Variants in FDFT1 observed in about 807,000 individuals in gnomAD.
FDFT1 encodes squalene synthase.
Under a neutral mutation model 46.8 loss-of-function variants are expected in FDFT1, and 68 were observed. The observed-to-expected ratio is 1.45, with a 90% CI of 1.19 to 1.78. FDFT1 has a LOEUF of 1.78. FDFT1 is among the 40% of genes most tolerant of loss of function. The probability of loss-of-function intolerance (pLI) is 0.00; values close to 1 mark genes in which losing one functional copy is unlikely to be tolerated. For missense variants in FDFT1, 928 were observed against 524.4 expected (o/e 1.77, Z -7.52); for synonymous variants, 351 against 185.1 (o/e 1.90, Z -7.28).
chr8:11,821,992 C>G, intron 4 of FDFT1, 114 bp downstream of exon 4: 2 of 1,256,926 alleles, frequency 1.6e-6, no homozygotes. Flanking sequence ...TCTGGTTTTA[C>G]AATTCATCTG....
chr8:11,816,374 A>G (rs1808451889), intron 3 of FDFT1, among the ~76,000 whole-genome samples: 1 of 152,082 alleles, frequency 6.6e-6, no homozygotes, highest in Non-Finnish European at 1.5e-5. Context: ...TCCATGTGAA[A>G]TTTAAAGTAG....
intron 3 of FDFT1, among the ~76,000 whole-genome samples, chr8:11,812,153 G>A (rs553696577): frequency 6.6e-6 from 1 of 152,312 alleles, no homozygotes; most frequent in East Asian, 1.9e-4. Flanking sequence ...TCCCAAAGGG[G>A]TGAGGGATCA....
In FDFT1 at chr8:11,838,533, T is replaced by A; in HGVS notation, c.1178T>A (p.Leu393Ter). The change falls in exon 8 of 8, where the codon TTG (leucine) becomes TAG (stop). Residue 393 changes from leucine to a stop codon, truncating the protein, a stop_gained. Transcript: ENST00000220584. LOFTEE classifies it high-confidence loss of function. ...SPIYLSFVMLLAALSWQYLTT... is the reference protein window; with the variant it reads ...SPIYLSFVML The stretch of plus-strand genomic sequence containing the variant: ...ATCTACCTGTCGTTTGTCATGCTTT[T>A]GGCTGCCCTGAGCTGGCAGTACCTG... 2 of 1,611,074 alleles carry A rather than the reference T, an allele frequency of 1.2e-6. No individual in the cohort carries two copies. Among genetic ancestry groups the A allele is most frequent in the Non-Finnish European group, 1.7e-6 (2 of 1,178,564 alleles).
chr8:11,821,911 G>A (rs375652985), intron 4 of FDFT1, 33 bp downstream of exon 4: 3 of 1,604,376 alleles, frequency 1.9e-6, no homozygotes, highest in African/African-American at 2.7e-5. Context: ...TGTGTGTGAT[G>A]TATTAGACAG....
chr8:11,800,201 C>T (rs921307082), upstream of FDFT1, among the ~76,000 whole-genome samples: 8 of 120,120 alleles, frequency 6.7e-5, no homozygotes, highest in Non-Finnish European at 1.3e-4. Context: ...GCAGAGGTGG[C>T]AGTGAACCGA....
chr8:11,800,344 G>T (rs1480756869), upstream of FDFT1, among the ~76,000 whole-genome samples: 2 of 144,964 alleles, frequency 1.4e-5, no homozygotes, highest in Non-Finnish European at 3.0e-5. Context: ...CCTGCAGAAA[G>T]GGTACACTCG....
At chr8:11,822,131 A>G (rs892584659) in intron 4 of FDFT1, among the ~76,000 whole-genome samples, 4 of 152,224 alleles carry the variant, frequency 2.6e-5, no homozygotes, top group Non-Finnish European at 5.9e-5. Context: ...AAGGGATGTA[A>G]TTGACCATGA....
At chr8:11,826,705 C>T (rs1352670819) in intron 5 of FDFT1, among the ~76,000 whole-genome samples, 1 of 152,136 alleles carries the variant, frequency 6.6e-6, no homozygotes, top group Non-Finnish European at 1.5e-5. Context: ...ATCCCAGCTA[C>T]CTGGGAGGCT....
chr8:11,838,244 G>A (rs1212660512), intron 7 of FDFT1, 144 bp from the exon 8 acceptor site: 3 of 671,908 alleles, frequency 4.5e-6, no homozygotes, highest in Non-Finnish European at 7.9e-6. Flanking sequence ...ATGGCTTTGG[G>A]TAAGTTATGT....
At chr8:11,802,963 G>T (rs940326910) in intron 1 of FDFT1, 32 bp downstream of exon 1, 5 of 1,572,250 alleles carry the variant, frequency 3.2e-6, no homozygotes, top group South Asian at 2.3e-5. Context: ...GCCCGGGGCG[G>T]GGAAGGAGCT....
intron 1 of FDFT1, 183 bp downstream of exon 1, chr8:11,803,114 T>C: frequency 1.4e-6 from 2 of 1,430,032 alleles, no homozygotes; most frequent in Non-Finnish European, 1.8e-6. Flanking sequence ...GCGGCCGTCC[T>C]GGCTGACCTG....
chr8:11,825,633 G>A (rs1809858435), intron 4 of FDFT1, among the ~76,000 whole-genome samples: 1 of 150,772 alleles, frequency 6.6e-6, no homozygotes, highest in East Asian at 1.9e-4. Flanking sequence ...CAGAAAGATT[G>A]CTTGGGTCCA....
At chr8:11,795,664 C>T (rs1197476091) in exon 1 of FDFT1, 3 of 151,984 alleles carry the variant, frequency 2.0e-5, no homozygotes, top group African/African-American at 4.8e-5. Context: ...TTTCGGTCTG[C>T]ACTGCCTTTA....
chr8:11,834,704 G>A (rs1488208965), intron 7 of FDFT1, among the ~76,000 whole-genome samples: 25 of 152,190 alleles, frequency 1.6e-4, no homozygotes, highest in Admixed American at 1.2e-3. Flanking sequence ...TTCCATATTC[G>A]CAGTTGTAAG....
intron 7 of FDFT1, among the ~76,000 whole-genome samples, chr8:11,833,335 C>T (rs558399299): frequency 1.3e-5 from 2 of 152,312 alleles, no homozygotes; most frequent in South Asian, 2.1e-4. Context: ...TGTCTGACAT[C>T]AGAATCCATG....
intron 6 of FDFT1, among the ~76,000 whole-genome samples, chr8:11,831,003 T>C (rs1056641494): frequency 1.3e-5 from 2 of 152,236 alleles, no homozygotes; most frequent in African/African-American, 4.8e-5. Flanking sequence ...GAAAGTAAAA[T>C]CTGTATCGCC....
At chr8:11,823,153 G>C (rs1302189749) in intron 4 of FDFT1, among the ~76,000 whole-genome samples, 1 of 151,958 alleles carries the variant, frequency 6.6e-6, no homozygotes, top group Non-Finnish European at 1.5e-5. Context: ...AGAGGGTTTT[G>C]CCATGTTGCC....
At chr8:11,825,916 T>G (rs1277628687) in intron 4 of FDFT1, 108 bp from the exon 5 acceptor site, 1 of 588,560 alleles carries the variant, frequency 1.7e-6, no homozygotes, top group African/African-American at 1.9e-5. Context: ...CAAAATGCAT[T>G]CTTACCCATT....
chr8:11,798,301 C>T (rs796571309), upstream of FDFT1, among the ~76,000 whole-genome samples: 153 of 152,282 alleles, frequency 1.0e-3, no homozygotes, highest in African/African-American at 3.4e-3. Context: ...CTCAAGTGAT[C>T]CGCCTGCATT....
Sources: allele counts gnomAD v4.1 joint callset (sites outside exome capture counted in the v4.1 genomes callset), GRCh38; gene constraint gnomAD v4.1.1; transcripts MANE v1.5; gene names NCBI Gene and HGNC (gene_info 2026-07-23, HGNC 2026-07-21).